Variants in SHB observed in about 807,000 individuals in gnomAD.
SHB encodes SH2 domain containing adaptor protein B, also known as SH2 domain-containing adapter protein B.
A neutral mutation model predicts 52.3 loss-of-function variants in SHB; 20 were observed. The ratio of observed to expected loss-of-function variants is 0.38; its 90% CI spans 0.27 to 0.56. The LOEUF (loss-of-function observed/expected upper bound fraction) is 0.56, where lower values mean the gene tolerates loss of function less well. Among genes scored for constraint, SHB ranks in the 20% least tolerant of loss-of-function variants. The pLI is 0.71. For synonymous variants in SHB, 397 were observed against 316.5 expected (o/e 1.25, Z -2.70); for missense variants, 825 against 723.3 (o/e 1.14, Z -1.61).
chr9:37,993,061 CGACA>C (rs1554703546), intron 2 of SHB, among the ~76,000 whole-genome samples: 1 of 152,100 alleles, frequency 6.6e-6, no homozygotes, highest in Non-Finnish European at 1.5e-5. Context: ...GCGAGGTGAG[CGACA>C]GGTGAAGAGA....
chr9:38,017,627 G>A (rs546740892), intron 1 of SHB, among the ~76,000 whole-genome samples: 14 of 152,352 alleles, frequency 9.2e-5, no homozygotes, highest in Admixed American at 3.3e-4. Flanking sequence ...AGTGAAGACC[G>A]AAGCCCAGAG....
At chr9:37,990,839 G>T (rs1820872886) in intron 2 of SHB, among the ~76,000 whole-genome samples, 1 of 152,224 alleles carries the variant, frequency 6.6e-6, no homozygotes, top group Non-Finnish European at 1.5e-5. Flanking sequence ...TAGAACAAAT[G>T]ACCTCAGACA....
chr9:37,971,833 A>C (rs1334118406), intron 3 of SHB, among the ~76,000 whole-genome samples: 2 of 152,256 alleles, frequency 1.3e-5, no homozygotes, highest in East Asian at 3.8e-4. Flanking sequence ...CTAAATGTAC[A>C]GGAGTTCTAA....
chr9:38,048,552 T>C (rs1420716267), intron 1 of SHB, among the ~76,000 whole-genome samples: 1 of 152,188 alleles, frequency 6.6e-6, no homozygotes, highest in Non-Finnish European at 1.5e-5. Context: ...GAGGATCTCT[T>C]CAGCCCTTGA....
chr9:37,957,255 A>G (rs766058790), intron 3 of SHB, among the ~76,000 whole-genome samples: 2 of 152,218 alleles, frequency 1.3e-5, no homozygotes, highest in Non-Finnish European at 2.9e-5. Flanking sequence ...CTAACCAGCA[A>G]GCATGATTGT....
intron 2 of SHB, among the ~76,000 whole-genome samples, chr9:37,997,171 C>T (rs1476783008): frequency 2.6e-5 from 4 of 152,188 alleles, no homozygotes; most frequent in South Asian, 2.1e-4. Context: ...CACGTCTCCC[C>T]TCTGTAAGTT....
intron 5 of SHB, among the ~76,000 whole-genome samples, chr9:37,945,963 T>C (rs972960076): frequency 1.3e-5 from 2 of 152,182 alleles, no homozygotes; most frequent in Non-Finnish European, 2.9e-5. Flanking sequence ...GGGTCCTTCC[T>C]GTGGCTCTTA....
chr9:37,980,820 C>T (rs951504969), intron 2 of SHB, among the ~76,000 whole-genome samples: 15 of 152,170 alleles, frequency 9.9e-5, no homozygotes, highest in African/African-American at 3.1e-4. Flanking sequence ...TTCATCTCCT[C>T]GTACATCCCC....
intron 2 of SHB, among the ~76,000 whole-genome samples, chr9:37,996,443 GTGTGCAGAATTCTGTGATCA>G (rs1244252198): frequency 1.3e-5 from 2 of 152,238 alleles, no homozygotes; most frequent in Non-Finnish European, 2.9e-5. Flanking sequence ...AGGCCTGTAC[GTGTGCAGAATTCTGTGATCA>G]TGTACATAGG....
At chr9:38,038,635 G>T (rs138171029) in intron 1 of SHB, among the ~76,000 whole-genome samples, 5 of 152,246 alleles carry the variant, frequency 3.3e-5, no homozygotes, top group African/African-American at 1.2e-4. Context: ...CAGCGGGTCT[G>T]CCTGACTCCC....
intron 5 of SHB, among the ~76,000 whole-genome samples, chr9:37,926,555 G>C (rs1435264343): frequency 6.6e-6 from 1 of 152,226 alleles, no homozygotes; most frequent in African/African-American, 2.4e-5. Flanking sequence ...AGCCACTGAG[G>C]CGAGAAGTGA....
intron 2 of SHB, among the ~76,000 whole-genome samples, chr9:38,014,138 A>G (rs1821179638): frequency 6.6e-6 from 1 of 152,108 alleles, no homozygotes; most frequent in South Asian, 2.1e-4. Flanking sequence ...GTGCGTCCTC[A>G]AGCAAGTCTC....
chr9:38,008,176 C>G (rs1201314765), intron 2 of SHB, among the ~76,000 whole-genome samples: 3 of 152,198 alleles, frequency 2.0e-5, no homozygotes, highest in Non-Finnish European at 2.9e-5. Flanking sequence ...CTATTCCAGG[C>G]CTGCTGCAAC....
chr9:37,932,079 C>T (rs751614610), intron 5 of SHB, among the ~76,000 whole-genome samples: 6 of 151,756 alleles, frequency 4.0e-5, no homozygotes, highest in African/African-American at 7.3e-5. Context: ...GTCAGGAGTT[C>T]GAGACCAGCC....
At chr9:37,920,476 G>A (rs1587189827) in intron 5 of SHB, among the ~76,000 whole-genome samples, 1 of 152,206 alleles carries the variant, frequency 6.6e-6, no homozygotes, top group Non-Finnish European at 1.5e-5. Flanking sequence ...AGGAAACTGT[G>A]TGGCAGGGAT....
At chr9:38,067,819 T>A (rs1166822428) in intron 1 of SHB, 110 bp downstream of exon 1, 1 of 1,209,472 alleles carries the variant, frequency 8.3e-7, no homozygotes, top group African/African-American at 1.6e-5. Context: ...CGACCCAGGG[T>A]CCTAGGCCGA....
intron 5 of SHB, among the ~76,000 whole-genome samples, chr9:37,925,115 C>G (rs924853846): frequency 1.3e-5 from 2 of 152,192 alleles, no homozygotes; most frequent in Non-Finnish European, 2.9e-5. Context: ...GTGCCCATCA[C>G]CCATCCACCC....
chr9:38,018,312 T>C (rs1821240939), intron 1 of SHB, among the ~76,000 whole-genome samples: 1 of 152,174 alleles, frequency 6.6e-6, no homozygotes, highest in African/African-American at 2.4e-5. Flanking sequence ...GGAAGGACTG[T>C]GATTCAGCAA....
intron 2 of SHB, among the ~76,000 whole-genome samples, chr9:38,014,131 C>T (rs565780654): frequency 1.4e-4 from 22 of 152,294 alleles, no homozygotes; most frequent in South Asian, 8.3e-4. Flanking sequence ...ATTCACTGTG[C>T]GTCCTCAAGC....
Sources: gnomAD v4.1 joint callset for allele counts (sites outside exome capture counted in the v4.1 genomes callset) on GRCh38, gnomAD v4.1.1 for gene constraint, MANE v1.5 for transcripts, NCBI Gene and HGNC (gene_info 2026-07-23, HGNC 2026-07-21) for gene names.